Variants in TAF3 observed in about 807,000 individuals in gnomAD.
TAF3 encodes the protein transcription initiation factor TFIID subunit 3.
A neutral mutation model predicts 80.6 loss-of-function variants in TAF3; 7 were observed. That is an observed-to-expected ratio of 0.09 (90% CI 0.05 to 0.16). The LOEUF (loss-of-function observed/expected upper bound fraction) is 0.16, where lower values mean the gene tolerates loss of function less well. Ranked by LOEUF, TAF3 falls within the 10% of genes least tolerant of loss-of-function variation. The pLI is 1.00. For missense variants in TAF3, 921 were observed against 1,140.2 expected (o/e 0.81, Z 2.77); for synonymous variants, 444 against 446.1 (o/e 1.00, Z 0.06).
At chr10:7,875,681 A>G (rs771781933) in intron 2 of TAF3, among the ~76,000 whole-genome samples, 4 of 152,180 alleles carry the variant, frequency 2.6e-5, no homozygotes, top group East Asian at 1.9e-4. Flanking sequence ...AACCAGAACA[A>G]TGGTCCTTTT....
intron 5 of TAF3, among the ~76,000 whole-genome samples, chr10:8,010,359 A>G (rs959514770): frequency 4.6e-5 from 7 of 152,228 alleles, no homozygotes; most frequent in African/African-American, 1.7e-4. Context: ...ATATACAGTA[A>G]TATCAATCTG....
Position 7,968,685 on chromosome 10 carries a change from C to T in TAF3, c.2232+2943C>T, listed in dbSNP as rs78291691. Among the ~76,000 whole-genome samples the T allele has an allele frequency of 4.6e-3, 707 of 152,194 alleles. 6 individuals are homozygous for T. The highest frequency in any genetic ancestry group is 0.016 in the African/African-American group (676 of 41,526). ...ATCACTTTAAGATGAGAAACTAAGG[C>T]TTAGAGAGATTAGTAGACTTGCCCA... On this transcript the variant is annotated intron_variant, in intron 3 of 6. Coordinates refer to ENST00000344293, the MANE Select transcript of TAF3 (RefSeq NM_031923.4).
chr10:7,901,014 A>AATCTTTCCAGGTGTTCACTTTT (rs1554780892), intron 2 of TAF3, among the ~76,000 whole-genome samples: 1 of 152,128 alleles, frequency 6.6e-6, no homozygotes, highest in African/African-American at 2.4e-5. Context: ...GCTTGTGGTG[A>AATCTTTCCAGGTGTTCACTTTT]TCATCCAAAA....
chr10:7,851,747 CG>C (rs896272840), intron 2 of TAF3, among the ~76,000 whole-genome samples: 3 of 152,036 alleles, frequency 2.0e-5, no homozygotes, highest in Admixed American at 6.6e-5. Flanking sequence ...GGCATATCTA[CG>C]GTAGTATTAT....
At position 8,009,918 on chromosome 10, in the gene TAF3, CT is replaced by C. The variant is rs1170617644; in HGVS notation, c.2568+599del. Among the ~76,000 whole-genome samples the C allele has an allele frequency of 5.0e-4, 73 of 145,416 alleles. No homozygotes were observed. The highest frequency in any genetic ancestry group is 1.2e-3 in the East Asian group (6 of 5,026). On this transcript the variant is annotated intron_variant, in intron 5 of 6. Transcript: ENST00000344293. The surrounding 1 kb of genome is among the most constrained non-coding windows in gnomAD (Gnocchi z 4.1). ...TACAGGCATGAGCCACCGTGCCCGGCTTTTTTTTTTTGAAAGGGGATTTCAC... is the reference window on the plus strand; with the variant it reads ...TACAGGCATGAGCCACCGTGCCCGGCTTTTTTTTTTGAAAGGGGATTTCAC...
intron 4 of TAF3, among the ~76,000 whole-genome samples, chr10:7,988,572 CAAAAA>C (rs58825999): frequency 7.7e-3 from 377 of 49,234 alleles, no homozygotes; most frequent in African/African-American, 0.016. Context: ...GACCCTGTCT[CAAAAA>C]AAAAAAAAAA....
At chr10:8,008,764 A>T (rs548092509) in intron 4 of TAF3, among the ~76,000 whole-genome samples, 32 of 152,326 alleles carry the variant, frequency 2.1e-4, no homozygotes, top group South Asian at 2.1e-3. Flanking sequence ...CCACCTCTGA[A>T]GCCGTCAGAG....
At chr10:7,840,155 G>A (rs1338087141) in intron 2 of TAF3, among the ~76,000 whole-genome samples, 1 of 144,578 alleles carries the variant, frequency 6.9e-6, no homozygotes, top group Admixed American at 6.8e-5. Context: ...AGGAAAATGA[G>A]TGTTTTTTTT....
chr10:7,912,704 A>G (rs1306267606), intron 2 of TAF3, among the ~76,000 whole-genome samples: 1 of 152,230 alleles, frequency 6.6e-6, no homozygotes, highest in African/African-American at 2.4e-5. Context: ...CAGAGTTAGT[A>G]CAACAAATCA....
intron 2 of TAF3, among the ~76,000 whole-genome samples, chr10:7,930,998 A>G (rs1182931660): frequency 1.3e-5 from 2 of 152,210 alleles, no homozygotes; most frequent in Non-Finnish European, 2.9e-5. Context: ...TAGAACAAGA[A>G]GAACTTAATT....
intron 2 of TAF3, among the ~76,000 whole-genome samples, chr10:7,929,120 G>A (rs1235988173): frequency 6.6e-6 from 1 of 152,052 alleles, no homozygotes; most frequent in African/African-American, 2.4e-5. Context: ...CACTTAGAAG[G>A]ATTTAATTTC....
At chr10:7,828,764 T>C (rs535029099) in intron 2 of TAF3, among the ~76,000 whole-genome samples, 1 of 152,178 alleles carries the variant, frequency 6.6e-6, no homozygotes, top group African/African-American at 2.4e-5. Flanking sequence ...CTGGGCGCAG[T>C]GGCTCACACC....
At position 8,015,467 on chromosome 10, in the gene TAF3, A is replaced by G. The variant is rs995991351; in HGVS notation, c.*716A>G. 3 of 152,158 alleles carry G rather than the reference A, an allele frequency of 2.0e-5. No homozygotes were observed. Among genetic ancestry groups the G allele is most frequent in the Non-Finnish European group, 4.4e-5 (3 of 68,030 alleles). The allele number at this position is 152,158 out of a possible 1,614,324, so 9.4% of individuals were successfully genotyped here. ...GCTGGAGTCTCTTCTCACTGCTTGTACATTTCATCAACTTGTATAAAAACT... is the reference window on the plus strand; with the variant it reads ...GCTGGAGTCTCTTCTCACTGCTTGTGCATTTCATCAACTTGTATAAAAACT... On this transcript the variant is annotated 3_prime_UTR_variant, in exon 7 of 7. Coordinates refer to ENST00000344293, the MANE Select transcript of TAF3 (RefSeq NM_031923.4).
chr10:7,838,698 TG>T (rs895059875), intron 2 of TAF3, among the ~76,000 whole-genome samples: 1 of 152,144 alleles, frequency 6.6e-6, no homozygotes, highest in African/African-American at 2.4e-5. Context: ...GTTTTCTTAA[TG>T]GGCAGGCAGG....
intron 2 of TAF3, among the ~76,000 whole-genome samples, chr10:7,908,555 C>T (rs1426109213): frequency 6.6e-6 from 1 of 152,140 alleles, no homozygotes; most frequent in African/African-American, 2.4e-5. Context: ...GTCACCGTCC[C>T]CACCCTCATA....
intron 2 of TAF3, among the ~76,000 whole-genome samples, chr10:7,961,011 C>T (rs140425693): frequency 1.4e-4 from 21 of 152,308 alleles, no homozygotes; most frequent in African/African-American, 5.1e-4. Context: ...TGAGGAACCA[C>T]AAGCTCAGAT....
chr10:7,972,606 T>C (rs570162907), intron 3 of TAF3, among the ~76,000 whole-genome samples: 1 of 152,360 alleles, frequency 6.6e-6, no homozygotes, highest in African/African-American at 2.4e-5. Flanking sequence ...ACCAGTTGAC[T>C]GAATACCTGT....
chr10:7,827,882 A>G (rs146647718), intron 2 of TAF3, among the ~76,000 whole-genome samples: 1 of 151,988 alleles, frequency 6.6e-6, no homozygotes, highest in African/African-American at 2.4e-5. Flanking sequence ...AGTTGAGCCC[A>G]GGGGTCAAGG....
intron 2 of TAF3, among the ~76,000 whole-genome samples, chr10:7,888,592 A>G (rs1837431717): frequency 6.6e-6 from 1 of 152,180 alleles, no homozygotes; most frequent in African/African-American, 2.4e-5. Context: ...AGTGATGTGT[A>G]ACAGTTTATC....
Sources: allele counts gnomAD v4.1 joint callset (sites outside exome capture counted in the v4.1 genomes callset), GRCh38; gene constraint gnomAD v4.1.1; non-coding constraint Gnocchi (gnomAD v3.1); transcripts MANE v1.5; gene names NCBI Gene and HGNC (gene_info 2026-07-23, HGNC 2026-07-21).